EGFR: variants seen among roughly 807,000 people sequenced by gnomAD.
The protein encoded by EGFR is epidermal growth factor receptor, also known as avian erythroblastic leukemia viral (v-erb-b) oncogene homolog.
Under a neutral mutation model 143.0 loss-of-function variants are expected in EGFR, and 58 were observed. The ratio of observed to expected loss-of-function variants is 0.41; its 90% confidence interval spans 0.33 to 0.50. The LOEUF is 0.50. Ranked by LOEUF, EGFR falls within the 20% of genes least tolerant of loss-of-function variation. EGFR has a pLI of 0.39. For missense variants in EGFR, 1,307 were observed against 1,579.0 expected (o/e 0.83, Z 2.92); for synonymous variants, 613 against 594.4 (o/e 1.03, Z -0.45).
chr7:55,086,068 T>C (rs1790738043), intron 1 of EGFR, among the ~76,000 whole-genome samples: 1 of 152,188 alleles, frequency 6.6e-6, no homozygotes, highest in Non-Finnish European at 1.5e-5. Flanking sequence ...TGTGAAGTGC[T>C]GACTATGTGC....
chr7:55,058,469 G>A (rs1013170713), intron 1 of EGFR, among the ~76,000 whole-genome samples: 3 of 152,014 alleles, frequency 2.0e-5, no homozygotes, highest in East Asian at 1.9e-4. Flanking sequence ...AATGCCCATC[G>A]GTGATAGACT....
rs942346149 is a variant in EGFR, at chr7:55,156,091, T to G, written c.1006+145T>G. The G allele has an allele frequency of 9.5e-6, 7 of 733,582 alleles. No individual in the cohort carries two copies. In the African/African-American group the frequency reaches 1.0e-4, roughly 11 times the overall value. 45.4% of individuals were successfully genotyped at this position (733,582 alleles called of 1,614,324 possible). On this transcript the variant is annotated intron_variant, in intron 8 of 27. Transcript: ENST00000275493. ...TTCTTTAAAACAGAAGATAAAGCTG[T>G]AAAGCTAGGTTAGGCAATGGGAAGG... is the stretch of plus-strand genomic sequence containing the variant.
chr7:55,157,036 C>T, intron 10 of EGFR: 6 of 1,320,836 alleles, frequency 4.5e-6, no homozygotes, highest in Non-Finnish European at 6.1e-6. Flanking sequence ...GGGTCATTCA[C>T]TGCGGTGTAA....
At chr7:55,089,936 C>CTACT (rs1234341528) in intron 1 of EGFR, among the ~76,000 whole-genome samples, 2 of 142,724 alleles carry the variant, frequency 1.4e-5, no homozygotes, top group African/African-American at 5.4e-5. Context: ...CTAGGTGATG[C>CTACT]TACTTATTTA....
At chr7:55,021,243 C>G (rs966258259) in intron 1 of EGFR, among the ~76,000 whole-genome samples, 8 of 152,196 alleles carry the variant, frequency 5.3e-5, no homozygotes. Flanking sequence ...TCCTGCCTGC[C>G]TGGGGTGCCC....
intron 19 of EGFR, among the ~76,000 whole-genome samples, chr7:55,177,737 G>A (rs759082518): frequency 6.6e-6 from 1 of 152,226 alleles, no homozygotes; most frequent in Non-Finnish European, 1.5e-5. Context: ...ACACTCCTGC[G>A]GTGGGACTGG....
At chr7:55,162,047 A>G (rs1785733080) in intron 13 of EGFR, among the ~76,000 whole-genome samples, 1 of 152,244 alleles carries the variant, frequency 6.6e-6, no homozygotes, top group Admixed American at 6.5e-5. Context: ...TTGCCAAGTT[A>G]ATATCTGTTT....
At chr7:55,135,270 C>T (rs767003135) in intron 1 of EGFR, among the ~76,000 whole-genome samples, 1 of 151,670 alleles carries the variant, frequency 6.6e-6, no homozygotes, top group Admixed American at 6.6e-5. Flanking sequence ...ATTTTCAAGT[C>T]TTCTGCTTGT....
chr7:55,072,276 C>G (rs1428107894), intron 1 of EGFR, among the ~76,000 whole-genome samples: 1 of 152,242 alleles, frequency 6.6e-6, no homozygotes, highest in East Asian at 1.9e-4. Context: ...TTGGAGTATA[C>G]TGCCTACTCA....
At chr7:55,063,525 C>T (rs893400628) in intron 1 of EGFR, among the ~76,000 whole-genome samples, 2 of 152,180 alleles carry the variant, frequency 1.3e-5, no homozygotes, top group Non-Finnish European at 2.9e-5. Flanking sequence ...ACTAAACTTG[C>T]ACTCATGGAA....
intron 1 of EGFR, among the ~76,000 whole-genome samples, chr7:55,066,334 C>T (rs947855744): frequency 5.9e-5 from 9 of 152,180 alleles, no homozygotes; most frequent in African/African-American, 1.9e-4. Flanking sequence ...TATTTTCAGA[C>T]ATTTACAGTC....
intron 1 of EGFR, among the ~76,000 whole-genome samples, chr7:55,081,828 G>GC (rs34687671): frequency 0.11 from 17,151 of 151,698 alleles, 1,502 homozygotes; most frequent in African/African-American, 0.24. Context: ...CTCACAAAAA[G>GC]CAGCACAGGA....
rs557531115 is a variant in EGFR, at chr7:55,056,285, C to G, written c.88+36920C>G. On this transcript the variant is annotated intron_variant, in intron 1 of 27. Coordinates refer to ENST00000275493, the MANE Select transcript of EGFR (RefSeq NM_005228.5). ...GGCCCGCATCTGGAACATGAAAGAA[C>G]CTGTCTGATGTGTTCTAGTCAGGAA... 2.0e-5 allele frequency among the ~76,000 whole-genome samples: 3 copies of G among 152,288 alleles called. No individual in the cohort carries two copies. In the South Asian group the frequency reaches 6.2e-4, roughly 32 times the overall value.
At chr7:55,070,566 A>G (rs1789760214) in intron 1 of EGFR, among the ~76,000 whole-genome samples, 1 of 152,252 alleles carries the variant, frequency 6.6e-6, no homozygotes, top group South Asian at 2.1e-4. Flanking sequence ...AACATTGACA[A>G]GACCTGGAGT....
intron 1 of EGFR, among the ~76,000 whole-genome samples, chr7:55,132,597 T>C (rs936247264): frequency 5.9e-5 from 9 of 152,216 alleles, no homozygotes; most frequent in Non-Finnish European, 1.3e-4. Context: ...ATGTGAAGTA[T>C]TATGTTTTCA....
chr7:55,061,589 C>T (rs939753596), intron 1 of EGFR, among the ~76,000 whole-genome samples: 1 of 150,334 alleles, frequency 6.7e-6, no homozygotes, highest in Admixed American at 6.6e-5. Flanking sequence ...AGTCTTCCCT[C>T]CCACGGATGA....
intron 12 of EGFR, 74 bp downstream of exon 12, chr7:55,160,412 G>C: frequency 7.0e-7 from 1 of 1,433,748 alleles, no homozygotes; most frequent in Non-Finnish European, 9.5e-7. Context: ...GAATATTGAA[G>C]GGCTATTCCC....
At position 55,209,046 on chromosome 7, in the gene EGFR, T is replaced by C. The variant is rs1434568214; in HGVS notation, c.*3429T>C. On this transcript the variant is annotated 3_prime_UTR_variant, in exon 28 of 28. Transcript: ENST00000275493. ...CTCACTAGGCCTCTGATTGCACTTG[T>C]GTAGGATGAAGCTGGTGGGTGATGG... The C allele has an allele frequency of 6.6e-6, 1 of 152,048 alleles. No individual in the cohort carries two copies. The highest frequency in any genetic ancestry group is 1.5e-5 in the Non-Finnish European group (1 of 68,034). The allele number at this position is 152,048 out of a possible 1,614,324, so 9.4% of individuals were successfully genotyped here.
chr7:55,205,127 C>T (rs1788057457), intron 27 of EGFR, 129 bp from the exon 28 acceptor site: 2 of 1,395,280 alleles, frequency 1.4e-6, no homozygotes, highest in Non-Finnish European at 9.7e-7. Flanking sequence ...GCAAGAGGGC[C>T]CTCCCGAGGC....
Sources: allele counts gnomAD v4.1 joint callset (sites outside exome capture counted in the v4.1 genomes callset), GRCh38; gene constraint gnomAD v4.1.1; transcripts MANE v1.5; gene names NCBI Gene and HGNC (gene_info 2026-07-23, HGNC 2026-07-21).